The following ENTPD8 variants were observed in gnomAD, a reference collection of about 807,000 sequenced individuals.
ENTPD8 encodes ectonucleoside triphosphate diphosphohydrolase 8.
A neutral mutation model predicts 47.0 loss-of-function variants in ENTPD8; 35 were observed. The ratio of observed to expected loss-of-function variants is 0.75; its 90% CI spans 0.57 to 0.99. ENTPD8 has a LOEUF of 0.99. Ranked by LOEUF, ENTPD8 falls within the 50% of genes least tolerant of loss-of-function variation. ENTPD8 has a pLI of 0.00. For synonymous variants in ENTPD8, 308 were observed against 290.5 expected (o/e 1.06, Z -0.61); for missense variants, 668 against 649.9 (o/e 1.03, Z -0.30).
intron 3 of ENTPD8, 28 bp downstream of exon 3, chr9:137,437,939 G>T: frequency 6.3e-7 from 1 of 1,580,198 alleles, no homozygotes; most frequent in Non-Finnish European, 8.7e-7. Flanking sequence ...GCAGGTCCCA[G>T]CACCGGGCTG....
In ENTPD8 at chr9:137,438,973, C is replaced by T. The variant is rs1839443895; in HGVS notation, c.-20-668G>A. ...GCACTGGGGGCCCAGGGCTCTGCCT[C>T]CTCTCTGCGGCCCCCACCCCAGGCA... On this transcript the variant is annotated intron_variant, in intron 1 of 9. Coordinates refer to ENST00000371506, the MANE Select transcript of ENTPD8 (RefSeq NM_001033113.2). This position sits in a 1 kb window ranked among gnomAD's most constrained non-coding sequence, Gnocchi z 5.7. Among the ~76,000 whole-genome samples, 1 of 152,168 alleles carries T rather than the reference C, an allele frequency of 6.6e-6. No homozygotes were observed. Among genetic ancestry groups the T allele is most frequent in the Non-Finnish European group, 1.5e-5 (1 of 68,006 alleles).
intron 3 of ENTPD8, 98 bp from the exon 4 acceptor site, chr9:137,437,407 G>T: frequency 6.9e-7 from 1 of 1,450,670 alleles, no homozygotes; most frequent in Non-Finnish European, 9.3e-7. Context: ...CCCTGGTGCA[G>T]CCACCAGCCA....
chr9:137,437,012 G>A lies in ENTPD8; in HGVS notation c.412C>T (p.Gln138Ter), dbSNP rs746841951. The stretch of plus-strand genomic sequence containing the variant: ...ACTGCTGCAAAGATGTCCCTGGCCT[G>A]AGAGCTGTTCTTCCGGCTGGGCACA... The part of the protein sequence containing the change: ...MRLLSRKNSS[Q>*]ARDIFAAVTQ... Residue 138 changes from glutamine (Q) to a stop codon, truncating the protein, a stop_gained, in exon 5 of 10, where the codon CAG (glutamine) becomes TAG (stop). Transcript: ENST00000371506. LOFTEE classifies it high-confidence loss of function. 2 of 1,612,550 alleles carry A rather than the reference G, an allele frequency of 1.2e-6. No individual in the cohort carries two copies. The highest frequency in any genetic ancestry group is 1.3e-5 in the African/African-American group (1 of 74,950).
Position 137,438,451 on chromosome 9 carries a change from T to C in ENTPD8, c.-20-146A>G. The C allele has an allele frequency of 1.1e-6, 1 of 912,440 alleles. No individual in the cohort carries two copies. Among genetic ancestry groups the C allele is most frequent in the Non-Finnish European group, 1.6e-6 (1 of 638,428 alleles). 56.5% of individuals were successfully genotyped at this position (912,440 alleles called of 1,614,324 possible). A position where few individuals can be genotyped will look rare whatever the true frequency, so the allele number is the denominator to read the frequency against. On this transcript the variant is annotated intron_variant, in intron 1 of 9. Transcript: ENST00000371506. This position sits in a 1 kb window ranked among gnomAD's most constrained non-coding sequence, Gnocchi z 5.7. ...GAGGCATCTCCGGGGCTCAGACGCC[T>C]CCCGTGGCCATAGAGGCATCCCCGG...
Position 137,438,315 on chromosome 9 carries a change from G to A in ENTPD8, c.-20-10C>T. ...CAGGTGGTACTGGTTCCTGTGGGGG[G>A]ACGGCCGTGGGCACCCAGGCTGCAC... On this transcript the variant is annotated splice_polypyrimidine_tract_variant and intron_variant, in intron 1 of 9. Coordinates refer to ENST00000371506, the MANE Select transcript of ENTPD8 (RefSeq NM_001033113.2). The surrounding 1 kb of genome is among the most constrained non-coding windows in gnomAD (Gnocchi z 5.7). 1 of 1,517,542 alleles carries A rather than the reference G, an allele frequency of 6.6e-7. No individual in the cohort carries two copies. Among genetic ancestry groups the A allele is most frequent in the Non-Finnish European group, 8.8e-7 (1 of 1,130,266 alleles). The allele number at this position is 1,517,542 out of a possible 1,614,324, so 94.0% of individuals were successfully genotyped here.
chr9:137,436,378 GC>G, intron 6 of ENTPD8, 102 bp from the exon 7 acceptor site: 1 of 1,420,622 alleles, frequency 7.0e-7, no homozygotes, highest in Non-Finnish European at 9.3e-7. Flanking sequence ...CATACCCTGT[GC>G]GCCCTCCCCG....
In ENTPD8 at chr9:137,437,943, C is replaced by T. The variant is rs200546494; in HGVS notation, c.244+24G>A. ...GGCAGCAACAGGCAGGTCCCAGCAC[C>T]GGGCTGCAGAACAGCCCACTAACCT... On this transcript the variant is annotated intron_variant, in intron 3 of 9. Transcript: ENST00000371506. 1.7e-4 allele frequency: 267 copies of T among 1,580,820 alleles called. No homozygotes were observed. The African/African-American group carries it at 2.4e-3, about 14-fold the overall frequency.
rs1380409673 is a variant in ENTPD8 at position 137,438,690 on chromosome 9, G to A, written c.-20-385C>T. 6.6e-6 allele frequency among the ~76,000 whole-genome samples: 1 copy of A among 152,082 alleles called. No individual in the cohort carries two copies. The highest frequency in any genetic ancestry group is 1.5e-5 in the Non-Finnish European group (1 of 67,974). On this transcript the variant is annotated intron_variant, in intron 1 of 9. Coordinates refer to ENST00000371506, the MANE Select transcript of ENTPD8 (RefSeq NM_001033113.2). This position sits in a 1 kb window ranked among gnomAD's most constrained non-coding sequence, Gnocchi z 5.7. ...TCCCCGGGGCTCAGACGCCTCCCGT[G>A]GCCAAGGACCACTCCCCAGGAGCCA...
Position 137,436,651 on chromosome 9 carries a change from C to A in ENTPD8, c.656G>T (p.Gly219Val), listed in dbSNP as rs1294822320. The A allele has an allele frequency of 6.2e-7, 1 of 1,601,520 alleles. No individual in the cohort carries two copies. The highest frequency in any genetic ancestry group is 2.2e-5 in the East Asian group (1 of 44,534). The change falls in exon 6 of 10, where the codon GGC becomes GTC. Residue 219 changes from glycine (G) to valine (V), a missense_variant. Transcript: ENST00000371506. ...CTGGGTGCTCTTGTCCAAGATGGGG[C>A]CCCCAGGCACGAACGTGATCTGGGT... The part of the protein sequence containing the change: ...ASTQITFVPG[G>V]PILDKSTQAD...
At chr9:137,435,971 A>C in intron 7 of ENTPD8, 42 bp downstream of exon 7, 1 of 1,606,942 alleles carries the variant, frequency 6.2e-7, no homozygotes, top group South Asian at 1.1e-5. Context: ...GAGGCCTCAC[A>C]AGGAAGCCCG....
Position 137,438,906 on chromosome 9 carries a change from C to G in ENTPD8, c.-20-601G>C, listed in dbSNP as rs981582714. Among the ~76,000 whole-genome samples, 2 of 152,046 alleles carry G rather than the reference C, an allele frequency of 1.3e-5. No homozygotes were observed. The highest frequency in any genetic ancestry group is 2.9e-5 in the Non-Finnish European group (2 of 67,968). On this transcript the variant is annotated intron_variant, in intron 1 of 9. Transcript: ENST00000371506. The surrounding 1 kb of genome is among the most constrained non-coding windows in gnomAD (Gnocchi z 5.7). ...GTGTCCCCACCCCTCGGTCCTGCCT[C>G]TCCCGTGCCACCCTCCCCAGGAGCA...
In ENTPD8 at chr9:137,437,218, C is replaced by T. The variant is rs1356036860; in HGVS notation, c.336G>A (p.Glu112=). ...ACGTGGGTGTTTTCCGATGCTGGGC[C>T]TCTGGGATCAGCACCAGCGCCTCCT... ...CLEEALVLIP[E]AQHRKTPTFL... is the part of the protein sequence containing the mutation. Residue 112 remains glutamate, a synonymous_variant, in exon 4 of 10, where the codon GAG becomes GAA. Coordinates refer to ENST00000371506, the MANE Select transcript of ENTPD8 (RefSeq NM_001033113.2). 2.5e-6 allele frequency: 4 copies of T among 1,612,930 alleles called. No homozygotes were observed. The African/African-American group carries it at 5.3e-5, about 22-fold the overall frequency.
chr9:137,439,265 C>T (rs902822606), intron 1 of ENTPD8, among the ~76,000 whole-genome samples: 1 of 152,154 alleles, frequency 6.6e-6, no homozygotes, highest in African/African-American at 2.4e-5. Context: ...GAGGTGTCCA[C>T]CTCCTCCTCT....
rs1161723451 is a variant in ENTPD8 at position 137,436,695 on chromosome 9, C to G, written c.612G>C (p.Leu204=). 6.3e-7 allele frequency: 1 copy of G among 1,598,040 alleles called. No homozygotes were observed. Among genetic ancestry groups the G allele is most frequent in the Admixed American group, 1.7e-5 (1 of 57,244 alleles). The change falls in exon 6 of 10, where the codon CTG becomes CTC. Residue 204 remains leucine (L), a synonymous_variant. Transcript: ENST00000371506. ...QPPEEMLVGA[L]DMGGASTQIT... ...TCTGGGTGGAGGCCCCTCCCATGTC[C>G]AGGGCACCCACCAGCATCTCCTCCG...
chr9:137,436,389 G>A lies in ENTPD8; in HGVS notation c.787-113C>T, dbSNP rs556638438. 85 of 1,409,244 alleles carry A rather than the reference G, an allele frequency of 6.0e-5. No individual in the cohort carries two copies. In the African/African-American group the frequency reaches 6.8e-4, roughly 11 times the overall value. The allele number at this position is 1,409,244 out of a possible 1,614,324, so 87.3% of individuals were successfully genotyped here. A position where few individuals can be genotyped will look rare whatever the true frequency, so the allele number is the denominator to read the frequency against. ...CGCCCATACCCTGTGCGCCCTCCCC[G>A]GTGCCGGATGACCCACGCCAGCCCC... On this transcript the variant is annotated intron_variant, in intron 6 of 9. Coordinates refer to ENST00000371506, the MANE Select transcript of ENTPD8 (RefSeq NM_001033113.2).
chr9:137,436,495 A>G, intron 6 of ENTPD8, 26 bp downstream of exon 6: 1 of 1,576,318 alleles, frequency 6.3e-7, no homozygotes, highest in Non-Finnish European at 8.6e-7. Context: ...CCACAGCCCC[A>G]TGCACCCTCC....
At chr9:137,437,335 TC>T (rs752352235) in intron 3 of ENTPD8, 26 bp from the exon 4 acceptor site, 1 of 1,595,850 alleles carries the variant, frequency 6.3e-7, no homozygotes, top group Non-Finnish European at 8.6e-7. Context: ...GGGACAGAGC[TC>T]CAGACCCCGC....
intron 1 of ENTPD8, among the ~76,000 whole-genome samples, chr9:137,439,417 C>T (rs1839457281): frequency 6.6e-6 from 1 of 152,178 alleles, no homozygotes; most frequent in Non-Finnish European, 1.5e-5. Flanking sequence ...GGCACCTGAA[C>T]CCCATGTGAC....
Position 137,434,430 on chromosome 9 carries a change from G to T in ENTPD8, c.*484C>A. 6.7e-7 allele frequency: 1 copy of T among 1,489,180 alleles called. No individual in the cohort carries two copies. Among genetic ancestry groups the T allele is most frequent in the Non-Finnish European group, 9.0e-7 (1 of 1,116,302 alleles). 92.2% of individuals were successfully genotyped at this position (1,489,180 alleles called of 1,614,324 possible). ...CAGTCTCACCCTCCAAGTGGGTGTGGGAGGCCGGGCTGGCCCAGCAGAAGC... is the reference window on the plus strand; with the variant it reads ...CAGTCTCACCCTCCAAGTGGGTGTGTGAGGCCGGGCTGGCCCAGCAGAAGC... On this transcript the variant is annotated 3_prime_UTR_variant, in exon 10 of 10. Coordinates refer to ENST00000371506, the MANE Select transcript of ENTPD8 (RefSeq NM_001033113.2).
Sources: allele counts gnomAD v4.1 joint callset (sites outside exome capture counted in the v4.1 genomes callset), GRCh38; gene constraint gnomAD v4.1.1; non-coding constraint Gnocchi (gnomAD v3.1); transcripts MANE v1.5; gene names NCBI Gene and HGNC (gene_info 2026-07-23, HGNC 2026-07-21).